GABRR1: variants seen among roughly 807,000 people sequenced by gnomAD.
The protein encoded by GABRR1 is gamma-aminobutyric acid type A receptor subunit rho1, also known as gamma-aminobutyric acid receptor subunit rho-1.
A neutral mutation model predicts 55.5 loss-of-function variants in GABRR1; 59 were observed. The observed-to-expected ratio is 1.06, with a 90% confidence interval of 0.86 to 1.32. GABRR1 has a LOEUF of 1.32. Ranked by LOEUF, GABRR1 falls within the 40% of genes most tolerant of loss-of-function variation. The probability of loss-of-function intolerance (pLI) is 0.00; values close to 1 mark genes in which losing one functional copy is unlikely to be tolerated. For synonymous variants in GABRR1, 213 were observed against 226.0 expected (o/e 0.94, Z 0.51); for missense variants, 602 against 619.1 (o/e 0.97, Z 0.29).
intron 3 of GABRR1, among the ~76,000 whole-genome samples, chr6:89,200,584 A>AT (rs11449903): frequency 0.63 from 95,063 of 150,666 alleles, 30,040 homozygotes; most frequent in East Asian, 0.77. Context: ...TAAAATGAGT[A>AT]TTTTTTTTTC....
At chr6:89,206,082 A>C (rs58402952) in intron 1 of GABRR1, among the ~76,000 whole-genome samples, 10,922 of 151,716 alleles carry the variant, frequency 0.072, 551 homozygotes, top group African/African-American at 0.16. Context: ...TCAACACCCC[A>C]TGCCCCACCC....
chr6:89,180,956 A>G (rs1771700898), intron 8 of GABRR1, among the ~76,000 whole-genome samples: 1 of 152,218 alleles, frequency 6.6e-6, no homozygotes, highest in Non-Finnish European at 1.5e-5. Context: ...GACAGCTGTC[A>G]GGGCACCCCC....
chr6:89,185,203 G>T, intron 7 of GABRR1, 107 bp downstream of exon 7: 1 of 1,399,334 alleles, frequency 7.1e-7, no homozygotes, highest in South Asian at 1.3e-5. Context: ...AAATATAAGT[G>T]ACACTGCTCA....
At chr6:89,195,975 G>A (rs1772260162) in intron 5 of GABRR1, among the ~76,000 whole-genome samples, 1 of 152,160 alleles carries the variant, frequency 6.6e-6, no homozygotes, top group Admixed American at 6.5e-5. Flanking sequence ...AGGGTGTTAT[G>A]CCTATTATCA....
intron 1 of GABRR1, among the ~76,000 whole-genome samples, chr6:89,215,959 G>A (rs537905302): frequency 2.6e-5 from 4 of 152,268 alleles, no homozygotes; most frequent in Admixed American, 6.5e-5. Flanking sequence ...GTTTGTTGTC[G>A]TTGTTGTTGC....
chr6:89,231,079 CT>C (rs1296210489), intron 1 of GABRR1: 1 of 152,118 alleles, frequency 6.6e-6, no homozygotes, highest in Non-Finnish European at 1.5e-5. Flanking sequence ...TCCCTGACCC[CT>C]TGCGCTTCCC....
intron 1 of GABRR1, among the ~76,000 whole-genome samples, chr6:89,204,899 T>C (rs879444305): frequency 6.6e-6 from 1 of 152,222 alleles, no homozygotes; most frequent in Non-Finnish European, 1.5e-5. Context: ...AGAATTATAC[T>C]GTTTGAAACT....
chr6:89,204,418 C>T (rs1023215215), intron 1 of GABRR1, among the ~76,000 whole-genome samples: 3 of 152,156 alleles, frequency 2.0e-5, no homozygotes, highest in African/African-American at 4.8e-5. Context: ...CGAAGGACAC[C>T]GGGGACAAAG....
intron 1 of GABRR1, among the ~76,000 whole-genome samples, chr6:89,226,883 C>T (rs1773211393): frequency 2.7e-5 from 1 of 37,088 alleles, no homozygotes; most frequent in Non-Finnish European, 5.4e-5. Flanking sequence ...GATATTGATT[C>T]TTCCTACCCA....
chr6:89,190,828 G>T (rs1772063877), intron 5 of GABRR1, among the ~76,000 whole-genome samples: 2 of 152,190 alleles, frequency 1.3e-5, no homozygotes, highest in African/African-American at 4.8e-5. Flanking sequence ...AGGTCTTACT[G>T]TGTTAATAGG....
intron 5 of GABRR1, among the ~76,000 whole-genome samples, chr6:89,191,582 T>C (rs1466646760): frequency 6.6e-6 from 1 of 152,106 alleles, no homozygotes; most frequent in Non-Finnish European, 1.5e-5. Context: ...CCACCCTGAG[T>C]TGATGCTTCT....
At chr6:89,211,758 A>C (rs1294165996) in intron 1 of GABRR1, among the ~76,000 whole-genome samples, 13 of 152,142 alleles carry the variant, frequency 8.5e-5, no homozygotes, top group Non-Finnish European at 4.4e-5. Context: ...ATAACTGTTG[A>C]AAAAATGGGC....
At position 89,198,177 on chromosome 6, in the gene GABRR1, T is replaced by G; in HGVS notation, c.415A>C (p.Asn139His). Residue 139 changes from asparagine to histidine, a missense_variant, in exon 5 of 10, where the codon AAC (asparagine) becomes CAC (histidine). Around this residue, in one of 3 missense-constraint regions of GABRR1, gnomAD observed 435 missense variants for 424.2 expected, o/e 1.03. Transcript: ENST00000454853. ...CCGTCAAACGTCATGCTGAGGTTGT[T>G]GGTGCTTGGAAAAGACAGCCTCTCG... ...KDERLSFPST[N>H]NLSMTFDGRL... 2.5e-6 allele frequency: 4 copies of G among 1,614,078 alleles called. No homozygotes were observed. The highest frequency in any genetic ancestry group is 2.5e-6 in the Non-Finnish European group (3 of 1,180,008).
chr6:89,186,767 G>A (rs1009675071), intron 6 of GABRR1, among the ~76,000 whole-genome samples: 1 of 152,228 alleles, frequency 6.6e-6, no homozygotes, highest in South Asian at 2.1e-4. Context: ...TCAGGGTCTT[G>A]TGAGGGTTGA....
intron 6 of GABRR1, among the ~76,000 whole-genome samples, chr6:89,186,738 A>G (rs907010769): frequency 6.6e-6 from 1 of 152,166 alleles, no homozygotes; most frequent in Non-Finnish European, 1.5e-5. Context: ...TCCTTTGTAT[A>G]ATGATAATAA....
intron 1 of GABRR1, among the ~76,000 whole-genome samples, chr6:89,230,925 C>A (rs541691937): frequency 3.2e-4 from 48 of 151,232 alleles, no homozygotes; most frequent in African/African-American, 1.1e-3. Context: ...ATTCCATGGG[C>A]GTAGGACCCT....
At chr6:89,228,730 A>G (rs1773235128) in intron 1 of GABRR1, among the ~76,000 whole-genome samples, 1 of 146,762 alleles carries the variant, frequency 6.8e-6, no homozygotes, top group South Asian at 2.2e-4. Flanking sequence ...GCTGAAAAAA[A>G]TGTATATTCT....
rs774377670 is a variant in GABRR1 at position 89,178,841 on chromosome 6, T to C, written c.1369A>G (p.Lys457Glu). The change falls in exon 10 of 10, where the codon AAA (lysine) becomes GAA (glutamate). Residue 457 changes from lysine to glutamate, a missense_variant. Transcript: ENST00000454853. The stretch of plus-strand genomic sequence containing the variant: ...GCTGGAAAGATGATCCTGGAGTATT[T>C]ATCAATGGCGTGGGTGTCGATTCTC... ...SMRIDTHAIDKYSRIIFPAAY... is the reference protein window; with the variant it reads ...SMRIDTHAIDEYSRIIFPAAY... 3 of 1,614,206 alleles carry C rather than the reference T, an allele frequency of 1.9e-6. No homozygotes were observed. The African/African-American group carries it at 4.0e-5, about 22-fold the overall frequency.
At chr6:89,198,952 T>C (rs1042467029) in intron 4 of GABRR1, among the ~76,000 whole-genome samples, 2 of 151,776 alleles carry the variant, frequency 1.3e-5, no homozygotes, top group African/African-American at 4.8e-5. Flanking sequence ...TTGCACTTTT[T>C]ATCTGAACCG....
Sources: gnomAD v4.1 joint callset for allele counts (sites outside exome capture counted in the v4.1 genomes callset) on GRCh38, gnomAD v4.1.1 for gene constraint, gnomAD v4.1.1 regional missense constraint, MANE v1.5 for transcripts, NCBI Gene and HGNC (gene_info 2026-07-23, HGNC 2026-07-21) for gene names.